The following PTPRD variants were observed in gnomAD, a reference collection of about 807,000 sequenced individuals.
The protein encoded by PTPRD is protein tyrosine phosphatase receptor type D.
PTPRD carries 34 observed loss-of-function variants against 214.5 expected under a neutral mutation model. The observed-to-expected ratio is 0.16, with a 90% CI of 0.12 to 0.21. The LOEUF (loss-of-function observed/expected upper bound fraction) is 0.21, where lower values mean the gene tolerates loss of function less well. Among genes scored for constraint, PTPRD ranks in the 10% least tolerant of loss-of-function variants. The pLI is 1.00. For synonymous variants in PTPRD, 1,128 were observed against 845.7 expected (o/e 1.33, Z -5.79); for missense variants, 2,545 against 2,398.7 (o/e 1.06, Z -1.27).
chr9:9,577,162 T>A (rs2154307248), intron 7 of PTPRD, among the ~76,000 whole-genome samples: 1 of 152,246 alleles, frequency 6.6e-6, no homozygotes, highest in Non-Finnish European at 1.5e-5. Flanking sequence ...ATCAGATAGG[T>A]AATTTTAGGC....
chr9:9,284,489 C>T (rs1228107268), intron 9 of PTPRD, among the ~76,000 whole-genome samples: 4 of 151,666 alleles, frequency 2.6e-5, no homozygotes. Flanking sequence ...ATATTAACTA[C>T]TGAAATTCGC....
intron 11 of PTPRD, among the ~76,000 whole-genome samples, chr9:8,893,629 T>A (rs973048990): frequency 6.6e-6 from 1 of 152,184 alleles, no homozygotes; most frequent in Non-Finnish European, 1.5e-5. Context: ...TTTGGCACAA[T>A]GTGGTAAAGA....
chr9:10,268,883 TTCAGTC>T (rs1370327063), intron 3 of PTPRD, among the ~76,000 whole-genome samples: 1 of 152,172 alleles, frequency 6.6e-6, no homozygotes, highest in African/African-American at 2.4e-5. Context: ...GGCAGGGATT[TTCAGTC>T]TCAGCAACAT....
chr9:8,466,854 T>C (rs1224391428), intron 31 of PTPRD, among the ~76,000 whole-genome samples: 3 of 151,854 alleles, frequency 2.0e-5, no homozygotes, highest in Non-Finnish European at 4.4e-5. Context: ...AGAAATGATC[T>C]AGTAAGAACC....
At chr9:10,326,974 G>A (rs2096654558) in intron 3 of PTPRD, among the ~76,000 whole-genome samples, 1 of 151,300 alleles carries the variant, frequency 6.6e-6, no homozygotes, top group South Asian at 2.1e-4. Flanking sequence ...GGAAACATCT[G>A]CACATCTGAC....
In PTPRD at chr9:9,819,075, G is replaced by A. The variant is rs1003194164; in HGVS notation, c.-367-52224C>T. ...CTGTCGAAATGTTCCCTGATAGGTA[G>A]CATATATTTGAATAATGCAGTCCCA... On this transcript the variant is annotated intron_variant, in intron 5 of 45. Coordinates refer to ENST00000381196, the MANE Select transcript of PTPRD (RefSeq NM_002839.4). 5.9e-5 allele frequency among the ~76,000 whole-genome samples: 9 copies of A among 152,084 alleles called. 1 individual carries two copies. The highest frequency in any genetic ancestry group is 1.2e-4 in the Non-Finnish European group (8 of 68,026).
intron 5 of PTPRD, among the ~76,000 whole-genome samples, chr9:9,938,292 A>G (rs2090272133): frequency 6.6e-6 from 1 of 152,152 alleles, no homozygotes; most frequent in Non-Finnish European, 1.5e-5. Context: ...TACCTGTTCT[A>G]CAACTTGAAA....
intron 10 of PTPRD, among the ~76,000 whole-genome samples, chr9:9,134,312 A>C (rs1394821639): frequency 7.3e-6 from 1 of 136,738 alleles, no homozygotes; most frequent in African/African-American, 3.3e-5. Context: ...TGACCTCATG[A>C]TCCACCCGCC....
chr9:8,857,643 C>A, intron 11 of PTPRD: 2 of 156,544 alleles, frequency 1.3e-5, no homozygotes, highest in South Asian at 3.5e-4. Flanking sequence ...CTCACCTGGT[C>A]ATGTTGGCCC....
intron 8 of PTPRD, among the ~76,000 whole-genome samples, chr9:9,397,850 A>G (rs2068509152): frequency 6.6e-6 from 1 of 151,966 alleles, no homozygotes; most frequent in African/African-American, 2.4e-5. Flanking sequence ...TACTGGTCCT[A>G]ATTCTCAGCT....
At chr9:8,386,101 T>G (rs1009897932) in intron 37 of PTPRD, among the ~76,000 whole-genome samples, 1 of 152,222 alleles carries the variant, frequency 6.6e-6, no homozygotes, top group African/African-American at 2.4e-5. Flanking sequence ...CCACATCCTT[T>G]ATCTCAGTCA....
In PTPRD at chr9:8,317,099, G is replaced by GAAGT; in HGVS notation, c.*771_*774dup. 1 of 231,770 alleles carries GAAGT rather than the reference G, an allele frequency of 4.3e-6. No homozygotes were observed. Among genetic ancestry groups the GAAGT allele is most frequent in the East Asian group, 6.1e-5 (1 of 16,328 alleles). 14.4% of individuals were successfully genotyped at this position (231,770 alleles called of 1,614,324 possible). A position where few individuals can be genotyped will look rare whatever the true frequency, so the allele number is the denominator to read the frequency against. Reference sequence around the variant, plus strand: ...GGGTACTTTCTCACCAATCAAAACTGAAGTGTAAAATTAATATATCTGACG... The same window carrying GAAGT: ...GGGTACTTTCTCACCAATCAAAACTGAAGTAAGTGTAAAATTAATATATCTGACG... On this transcript the variant is annotated 3_prime_UTR_variant, in exon 46 of 46. Transcript: ENST00000381196.
chr9:9,006,858 G>T (rs1188605954), intron 11 of PTPRD, among the ~76,000 whole-genome samples: 1 of 151,970 alleles, frequency 6.6e-6, no homozygotes. Context: ...GTCCATTAAA[G>T]AAATGATTTT....
At chr9:8,649,917 T>C (rs540162486) in intron 12 of PTPRD, among the ~76,000 whole-genome samples, 3 of 152,240 alleles carry the variant, frequency 2.0e-5, no homozygotes, top group Non-Finnish European at 4.4e-5. Context: ...TTTTTAATGT[T>C]TTAATTTGTT....
chr9:9,921,939 A>G (rs12342226), intron 5 of PTPRD, among the ~76,000 whole-genome samples: 5,820 of 152,188 alleles, frequency 0.038, 138 homozygotes, highest in Non-Finnish European at 0.056. Context: ...AGTAAGTGGC[A>G]AAGCTAGTAT....
At chr9:10,352,911 C>A (rs1266671928) in intron 2 of PTPRD, among the ~76,000 whole-genome samples, 1 of 151,874 alleles carries the variant, frequency 6.6e-6, no homozygotes, top group Non-Finnish European at 1.5e-5. Flanking sequence ...TGCTGCAATA[C>A]CTTTAGGTGG....
At chr9:8,449,941 G>C in intron 33 of PTPRD, 104 bp from the exon 34 acceptor site, 1 of 1,137,352 alleles carries the variant, frequency 8.8e-7, no homozygotes. Context: ...CAAGTTTTCA[G>C]TTTTACAACT....
chr9:10,122,292 A>G (rs1246273677), intron 3 of PTPRD, among the ~76,000 whole-genome samples: 1 of 152,190 alleles, frequency 6.6e-6, no homozygotes, highest in Non-Finnish European at 1.5e-5. Context: ...TTGGCAATGG[A>G]GCAAAACTCC....
chr9:9,746,245 T>C (rs917395655), intron 6 of PTPRD, among the ~76,000 whole-genome samples: 3 of 152,076 alleles, frequency 2.0e-5, no homozygotes, highest in East Asian at 3.9e-4. Flanking sequence ...AGAGACGACA[T>C]GCTCAGGTCA....
Sources: allele counts gnomAD v4.1 joint callset (sites outside exome capture counted in the v4.1 genomes callset), GRCh38; gene constraint gnomAD v4.1.1; transcripts MANE v1.5; gene names NCBI Gene and HGNC (gene_info 2026-07-23, HGNC 2026-07-21).